The following RRBP1 variants were observed in gnomAD, a reference collection of about 807,000 sequenced individuals.
RRBP1 encodes ribosome binding protein 1, also known as ribosome-binding protein 1.
RRBP1 carries 94 observed loss-of-function variants against 165.2 expected under a neutral mutation model. The ratio of observed to expected loss-of-function variants is 0.57; its 90% CI spans 0.48 to 0.68. RRBP1 has a LOEUF of 0.68. Ranked by LOEUF, RRBP1 falls within the 30% of genes least tolerant of loss-of-function variation. RRBP1 has a pLI of 0.00. For synonymous variants in RRBP1, 680 were observed against 714.5 expected, an observed-to-expected ratio of 0.95 and a Z score of 0.77; for missense variants, 1,676 against 1,763.0, an observed-to-expected ratio of 0.95 and a Z score of 0.88.
intron 5 of RRBP1, among the ~76,000 whole-genome samples, chr20:17,637,533 C>T (rs1397364743): frequency 6.6e-6 from 1 of 152,178 alleles, no homozygotes; most frequent in Non-Finnish European, 1.5e-5. Context: ...CACAGCAGGC[C>T]TGAGTGACCA....
rs771024200 is a variant in RRBP1 at position 17,629,916 on chromosome 20, C to T, written c.2656G>A (p.Glu886Lys). The T allele has an allele frequency of 7.5e-6, 12 of 1,599,964 alleles. No individual in the cohort carries two copies. Among genetic ancestry groups the T allele is most frequent in the Admixed American group, 5.0e-5 (3 of 59,950 alleles). Residue 886 changes from glutamate (E) to lysine (K), a missense_variant, in exon 9 of 25, where the codon GAG becomes AAG. This residue lies in a region of RRBP1 where 1,184 missense variants were observed against 1,167.1 expected (regional missense o/e 1.01). Transcript: ENST00000377813. ...SEEALQKRLD[E>K]VSRELCHTQS... ...GTGTGGCACAGCTCCCGGCTGACCT[C>T]GTCCAGGCGCTTCTGCAGGGCCTCC... is the stretch of plus-strand genomic sequence containing the variant.
rs940648952 is a variant in RRBP1 at position 17,658,903 on chromosome 20, G to A, written c.1605C>T (p.Asn535=). The A allele has an allele frequency of 4.3e-6, 7 of 1,613,240 alleles. No homozygotes were observed. The African/African-American group carries it at 9.3e-5, about 22-fold the overall frequency. The change falls in exon 3 of 25, where the codon AAC becomes AAT. Residue 535 remains asparagine (N), a synonymous_variant. Coordinates refer to ENST00000377813, the MANE Select transcript of RRBP1 (RefSeq NM_001365613.2). ...AQGKKAERSP[N]QGKKGEGAPI... ...GAGCTCCCTCTCCTTTTTTGCCTTGGTTGGGACTCCTTTCTGCCTTTTTGC... is the reference window on the plus strand; with the variant it reads ...GAGCTCCCTCTCCTTTTTTGCCTTGATTGGGACTCCTTTCTGCCTTTTTGC...
At chr20:17,640,683 C>T (rs1316861225) in intron 5 of RRBP1, among the ~76,000 whole-genome samples, 1 of 152,094 alleles carries the variant, frequency 6.6e-6, no homozygotes, top group Non-Finnish European at 1.5e-5. Flanking sequence ...CTGCCCTGAG[C>T]ATGCAGCCAG....
At chr20:17,637,669 GC>G (rs1281926545) in intron 5 of RRBP1, among the ~76,000 whole-genome samples, 3 of 152,196 alleles carry the variant, frequency 2.0e-5, no homozygotes, top group Non-Finnish European at 4.4e-5. Flanking sequence ...TGTCCCTCTT[GC>G]CTGAGATGGG....
rs754757680 is a variant in RRBP1 at position 17,629,907 on chromosome 20, G to T, written c.2665C>A (p.Arg889=). 1.9e-6 allele frequency: 3 copies of T among 1,600,292 alleles called. No homozygotes were observed. The highest frequency in any genetic ancestry group is 2.5e-6 in the Non-Finnish European group (3 of 1,179,464). ...ALQKRLDEVS[R]ELCHTQSSHA... ...CTGCTCTGCGTGTGGCACAGCTCCCGGCTGACCTCGTCCAGGCGCTTCTGC... is the reference window on the plus strand; with the variant it reads ...CTGCTCTGCGTGTGGCACAGCTCCCTGCTGACCTCGTCCAGGCGCTTCTGC... The change falls in exon 9 of 25, where the codon CGG becomes AGG. Residue 889 remains arginine (R), a synonymous_variant. Coordinates refer to ENST00000377813, the MANE Select transcript of RRBP1 (RefSeq NM_001365613.2).
At chr20:17,640,957 G>A (rs765894041) in intron 5 of RRBP1, among the ~76,000 whole-genome samples, 2 of 152,238 alleles carry the variant, frequency 1.3e-5, no homozygotes, top group Non-Finnish European at 2.9e-5. Context: ...CCCGCTGCCC[G>A]GGATGGAGAA....
At chr20:17,618,988 C>T in intron 19 of RRBP1, 4 of 367,294 alleles carry the variant, frequency 1.1e-5, no homozygotes, top group South Asian at 8.0e-5. Context: ...TGGTCTCAAT[C>T]TGTCATCCAC....
intron 2 of RRBP1, among the ~76,000 whole-genome samples, chr20:17,679,297 G>C (rs993849427): frequency 3.3e-5 from 5 of 152,260 alleles, no homozygotes; most frequent in African/African-American, 7.2e-5. Flanking sequence ...TAGTTTAACA[G>C]GTATGGGGGC....
At chr20:17,624,733 TCAGA>T in intron 12 of RRBP1, 65 bp from the exon 13 acceptor site, 1 of 1,217,588 alleles carries the variant, frequency 8.2e-7, no homozygotes, top group Non-Finnish European at 1.2e-6. Flanking sequence ...TAAGCTGGTG[TCAGA>T]CAGGACAGGG....
At chr20:17,647,916 C>T (rs905509282) in intron 3 of RRBP1, among the ~76,000 whole-genome samples, 5 of 152,180 alleles carry the variant, frequency 3.3e-5, no homozygotes, top group African/African-American at 7.2e-5. Flanking sequence ...GTGCCTTCCA[C>T]GCCCTGTAGT....
At chr20:17,620,153 G>C in intron 18 of RRBP1, 146 bp downstream of exon 18, 1 of 695,950 alleles carries the variant, frequency 1.4e-6, no homozygotes, top group Non-Finnish European at 2.5e-6. Context: ...AAACAGGATG[G>C]ACAAGATCCC....
intron 19 of RRBP1, 51 bp from the exon 20 acceptor site, chr20:17,618,730 A>T: frequency 7.0e-7 from 1 of 1,420,048 alleles, no homozygotes; most frequent in Non-Finnish European, 9.9e-7. Context: ...AGAAAAGGAG[A>T]AAACCAGTCC....
chr20:17,658,664 C>G lies in RRBP1; in HGVS notation c.1844G>C (p.Ser615Thr). ...VQGRNTDVAQ[S>T]PEAPKQEAPA... ...AGCCTCTTGCTTTGGTGCCTCTGGG[C>G]TCTGGGCCACATCTGTATTTCTGCC... Residue 615 changes from serine (S) to threonine (T), a missense_variant, in exon 3 of 25, where the codon AGC (serine) becomes ACC (threonine). Around this residue, in one of 5 missense-constraint regions of RRBP1, gnomAD observed 1,184 missense variants for 1,167.1 expected, o/e 1.01. Transcript: ENST00000377813. 1 of 1,614,198 alleles carries G rather than the reference C, an allele frequency of 6.2e-7. No homozygotes were observed. Among genetic ancestry groups the G allele is most frequent in the Non-Finnish European group, 8.5e-7 (1 of 1,180,042 alleles).
rs559106840 is a variant in RRBP1 at position 17,659,979 on chromosome 20, C to A, written c.529G>T (p.Val177Leu). 1 of 1,608,720 alleles carries A rather than the reference C, an allele frequency of 6.2e-7. No homozygotes were observed. Among genetic ancestry groups the A allele is most frequent in the Admixed American group, 1.7e-5 (1 of 59,374 alleles). ...ACTGGGGGCACCACCACCATCGGCA[C>A]CTCCTTGGGAGCAGTTTCCAAGATG... ...AAILETAPKE[V>L]PMVVVPPVGA... The change falls in exon 3 of 25, where the codon GTG (valine) becomes TTG (leucine). Residue 177 changes from valine (V) to leucine (L), a missense_variant. This residue lies in a region of RRBP1 where 392 missense variants were observed against 382.5 expected (regional missense o/e 1.02). Coordinates refer to ENST00000377813, the MANE Select transcript of RRBP1 (RefSeq NM_001365613.2).
chr20:17,639,742 A>C (rs2036314778), intron 5 of RRBP1, among the ~76,000 whole-genome samples: 1 of 152,060 alleles, frequency 6.6e-6, no homozygotes, highest in Admixed American at 6.5e-5. Flanking sequence ...AAAAATACAC[A>C]ATTAGCCGGG....
chr20:17,676,541 C>T (rs2037086053), intron 2 of RRBP1, among the ~76,000 whole-genome samples: 1 of 152,202 alleles, frequency 6.6e-6, no homozygotes, highest in African/African-American at 2.4e-5. Context: ...AAGCTGATGA[C>T]TAGTCCGGTC....
At chr20:17,662,456 T>C (rs959869089) in intron 2 of RRBP1, among the ~76,000 whole-genome samples, 10 of 152,236 alleles carry the variant, frequency 6.6e-5, no homozygotes, top group African/African-American at 2.4e-4. Flanking sequence ...TCACTCGGCG[T>C]TGAGCGAGAC....
chr20:17,627,687 T>C lies in RRBP1; in HGVS notation c.2750-5A>G, dbSNP rs372315706. ...ACTGTAACTTGCTGTGCAGCTCTGG[T>C]GCAGAGGAAGGGAAACGAGAAGTTA... is the stretch of plus-strand genomic sequence containing the variant. On this transcript the variant is annotated splice_region_variant and splice_polypyrimidine_tract_variant and intron_variant, in intron 9 of 24. Coordinates refer to ENST00000377813, the MANE Select transcript of RRBP1 (RefSeq NM_001365613.2). 2 of 1,584,520 alleles carry C rather than the reference T, an allele frequency of 1.3e-6. No homozygotes were observed. Among genetic ancestry groups the C allele is most frequent in the East Asian group, 2.3e-5 (1 of 44,346 alleles).
In RRBP1 at chr20:17,633,958, C is replaced by T. The variant is rs566853391; in HGVS notation, c.2457-345G>A. Among the ~76,000 whole-genome samples, 39 of 152,338 alleles carry T rather than the reference C, an allele frequency of 2.6e-4. No homozygotes were observed. The East Asian group carries it at 5.8e-3, about 23-fold the overall frequency. On this transcript the variant is annotated intron_variant, in intron 7 of 24. Coordinates refer to ENST00000377813, the MANE Select transcript of RRBP1 (RefSeq NM_001365613.2). ...TGAGATGAAGATCCACCCGCCTTGA[C>T]GCCCTGTAGGCCTGTGGGCAGCAGC... is the stretch of plus-strand genomic sequence containing the variant.
Sources: gnomAD v4.1 joint callset for allele counts (sites outside exome capture counted in the v4.1 genomes callset) on GRCh38, gnomAD v4.1.1 for gene constraint, gnomAD v4.1.1 regional missense constraint, MANE v1.5 for transcripts, NCBI Gene and HGNC (gene_info 2026-07-23, HGNC 2026-07-21) for gene names.